SORCS3: variants seen among roughly 807,000 people sequenced by gnomAD.
The protein encoded by SORCS3 is sortilin related VPS10 domain containing receptor 3, also known as VPS10 domain-containing receptor SorCS3.
A neutral mutation model predicts 146.3 loss-of-function variants in SORCS3; 57 were observed. The ratio of observed to expected loss-of-function variants is 0.39; its 90% CI spans 0.31 to 0.49. SORCS3 has a LOEUF of 0.49. Ranked by LOEUF, SORCS3 falls within the 20% of genes least tolerant of loss-of-function variation. The pLI is 0.92. For synonymous variants in SORCS3, 653 were observed against 618.5 expected, an observed-to-expected ratio of 1.06 and a Z score of -0.83; for missense variants, 1,341 against 1,575.5, an observed-to-expected ratio of 0.85 and a Z score of 2.52.
chr10:104,676,722 C>T (rs1419081732), intron 1 of SORCS3, among the ~76,000 whole-genome samples: 1 of 152,208 alleles, frequency 6.6e-6, no homozygotes, highest in Non-Finnish European at 1.5e-5. Context: ...AACAGTTACT[C>T]CCAAATCCTC....
chr10:105,057,826 G>A (rs568917124), intron 5 of SORCS3, among the ~76,000 whole-genome samples: 11 of 152,278 alleles, frequency 7.2e-5, no homozygotes, highest in East Asian at 1.9e-4. Context: ...ATTTCTGAAC[G>A]TAGCGTATTC....
At chr10:104,916,474 C>A (rs1010976024) in intron 3 of SORCS3, among the ~76,000 whole-genome samples, 5 of 152,140 alleles carry the variant, frequency 3.3e-5, no homozygotes, top group African/African-American at 1.2e-4. Context: ...AGAGGGCAGA[C>A]CAGACTCCTC....
intron 5 of SORCS3, among the ~76,000 whole-genome samples, chr10:105,062,768 GT>G (rs1260259270): frequency 6.6e-6 from 1 of 152,158 alleles, no homozygotes; most frequent in African/African-American, 2.4e-5. Flanking sequence ...ACCCTTGATT[GT>G]TTGTCCAAGG....
At chr10:105,076,012 G>A (rs1159984020) in intron 5 of SORCS3, among the ~76,000 whole-genome samples, 1 of 152,198 alleles carries the variant, frequency 6.6e-6, no homozygotes, top group Non-Finnish European at 1.5e-5. Context: ...GGAAATGAGT[G>A]TGTGTGCACA....
intron 1 of SORCS3, among the ~76,000 whole-genome samples, chr10:104,724,361 G>C (rs1449611503): frequency 6.6e-6 from 1 of 152,180 alleles, no homozygotes; most frequent in Non-Finnish European, 1.5e-5. Flanking sequence ...AGTCTGATGG[G>C]CTTTCCTTTG....
chr10:104,994,091 A>G (rs994240483), intron 4 of SORCS3, among the ~76,000 whole-genome samples: 1 of 152,206 alleles, frequency 6.6e-6, no homozygotes, highest in Non-Finnish European at 1.5e-5. Context: ...CCAGATACCA[A>G]ATGAAGTACA....
chr10:105,182,984 CAT>C (rs2056452212), intron 14 of SORCS3, among the ~76,000 whole-genome samples: 1 of 152,142 alleles, frequency 6.6e-6, no homozygotes, highest in Non-Finnish European at 1.5e-5. Flanking sequence ...ATTACAGACA[CAT>C]GTGCCAGTGC....
At chr10:104,655,382 C>CA (rs1423977446) in intron 1 of SORCS3, among the ~76,000 whole-genome samples, 1 of 151,974 alleles carries the variant, frequency 6.6e-6, no homozygotes, top group Non-Finnish European at 1.5e-5. Flanking sequence ...GTATTTAAGC[C>CA]TAGTACTCAA....
At chr10:104,697,586 C>T (rs1352155146) in intron 1 of SORCS3, among the ~76,000 whole-genome samples, 1 of 152,156 alleles carries the variant, frequency 6.6e-6, no homozygotes, top group African/African-American at 2.4e-5. Flanking sequence ...TGCACTGATG[C>T]TAGGAGAGTT....
chr10:105,152,177 A>G (rs990519891), intron 9 of SORCS3, among the ~76,000 whole-genome samples: 3 of 152,150 alleles, frequency 2.0e-5, no homozygotes, highest in African/African-American at 4.8e-5. Flanking sequence ...GCTCTCCTGG[A>G]TATTTTGCAT....
intron 7 of SORCS3, among the ~76,000 whole-genome samples, chr10:105,114,554 G>A (rs1228665004): frequency 6.6e-6 from 1 of 152,148 alleles, no homozygotes; most frequent in African/African-American, 2.4e-5. Flanking sequence ...CACAGGGAAA[G>A]GGTAGGAACC....
chr10:104,950,661 G>T (rs1375105389), intron 3 of SORCS3, among the ~76,000 whole-genome samples: 4 of 152,140 alleles, frequency 2.6e-5, no homozygotes, highest in Non-Finnish European at 5.9e-5. Context: ...AGCACAAGTG[G>T]CTTGGGGAAA....
chr10:105,010,812 T>C (rs1431725401), intron 4 of SORCS3, among the ~76,000 whole-genome samples: 2 of 152,056 alleles, frequency 1.3e-5, no homozygotes, highest in Non-Finnish European at 2.9e-5. Flanking sequence ...GGTGAGATTC[T>C]CCAGGGAGAC....
intron 4 of SORCS3, among the ~76,000 whole-genome samples, chr10:104,991,955 A>T (rs1036596912): frequency 6.6e-6 from 1 of 152,180 alleles, no homozygotes; most frequent in South Asian, 2.1e-4. Flanking sequence ...ATTTGTGGGG[A>T]TGCATTTCAG....
chr10:105,085,865 CAT>C (rs2055656851), intron 5 of SORCS3, among the ~76,000 whole-genome samples: 1 of 152,128 alleles, frequency 6.6e-6, no homozygotes, highest in African/African-American at 2.4e-5. Flanking sequence ...AAGCTGCACA[CAT>C]GTGCATGAAC....
intron 17 of SORCS3, among the ~76,000 whole-genome samples, chr10:105,213,377 G>A (rs1035694448): frequency 6.6e-6 from 1 of 152,128 alleles, no homozygotes; most frequent in Non-Finnish European, 1.5e-5. Context: ...AACCACCATA[G>A]GAAGGCAACA....
At chr10:105,254,489 C>T (rs1197372387) in intron 23 of SORCS3, among the ~76,000 whole-genome samples, 1 of 152,216 alleles carries the variant, frequency 6.6e-6, no homozygotes, top group South Asian at 2.1e-4. Context: ...ATATTACCAT[C>T]TATAGTTGTC....
chr10:104,779,260 C>T (rs1463686678), intron 1 of SORCS3, among the ~76,000 whole-genome samples: 3 of 152,132 alleles, frequency 2.0e-5, no homozygotes, highest in East Asian at 1.9e-4. Context: ...AATAAGGTTG[C>T]GTTGTCTTTA....
intron 1 of SORCS3, among the ~76,000 whole-genome samples, chr10:104,763,970 C>G (rs978015822): frequency 1.3e-5 from 2 of 151,646 alleles, no homozygotes; most frequent in Admixed American, 1.3e-4. Context: ...CTGAGGCCTC[C>G]CCAGCCATGC....
Sources: allele counts gnomAD v4.1 joint callset (sites outside exome capture counted in the v4.1 genomes callset), GRCh38; gene constraint gnomAD v4.1.1; transcripts MANE v1.5; gene names NCBI Gene and HGNC (gene_info 2026-07-23, HGNC 2026-07-21).